Variants in GRM5 observed in about 807,000 individuals in gnomAD.
GRM5 encodes glutamate metabotropic receptor 5.
Under a neutral mutation model 83.1 loss-of-function variants are expected in GRM5, and 19 were observed. The ratio of observed to expected loss-of-function variants is 0.23; its 90% CI spans 0.16 to 0.34. The LOEUF (loss-of-function observed/expected upper bound fraction) is 0.34, where lower values mean the gene tolerates loss of function less well. Among genes scored for constraint, GRM5 ranks in the 10% least tolerant of loss-of-function variants. GRM5 has a pLI of 1.00. For missense variants in GRM5, 1,160 were observed against 1,588.3 expected (o/e 0.73, Z 4.58); for synonymous variants, 675 against 633.6 (o/e 1.07, Z -0.98).
chr11:88,928,907 TACACACACACACACACACACACAC>T (rs1555043262), intron 2 of GRM5, among the ~76,000 whole-genome samples: 2 of 138,674 alleles, frequency 1.4e-5, no homozygotes, highest in African/African-American at 5.6e-5. Context: ...TATGTGTATA[TACACACACACACACACACACACAC>T]ACACACACAC....
At chr11:88,912,033 A>T (rs1260984858) in intron 2 of GRM5, 1 of 469,884 alleles carries the variant, frequency 2.1e-6, no homozygotes. Context: ...AGAAGTCACA[A>T]ATAAGTATTG....
chr11:88,719,282 C>T (rs776927356), intron 3 of GRM5, among the ~76,000 whole-genome samples: 1 of 151,888 alleles, frequency 6.6e-6, no homozygotes, highest in African/African-American at 2.4e-5. Context: ...GTATTCTCAT[C>T]GTTTAGCTCC....
At chr11:88,582,786 T>C (rs547034449) in intron 7 of GRM5, among the ~76,000 whole-genome samples, 2 of 152,228 alleles carry the variant, frequency 1.3e-5, no homozygotes, top group African/African-American at 4.8e-5. Context: ...CAGAGCAGCC[T>C]GGAGATAATT....
At chr11:88,531,874 T>C (rs2135118260) in intron 8 of GRM5, among the ~76,000 whole-genome samples, 1 of 152,206 alleles carries the variant, frequency 6.6e-6, no homozygotes, top group Non-Finnish European at 1.5e-5. Context: ...TGGCCCGTAG[T>C]CTTCCCCTTG....
chr11:88,925,256 C>A (rs754788826), intron 2 of GRM5, among the ~76,000 whole-genome samples: 1 of 151,934 alleles, frequency 6.6e-6, no homozygotes, highest in Non-Finnish European at 1.5e-5. Flanking sequence ...ATTTTAGTGC[C>A]CAAGAAAAGA....
chr11:88,718,661 C>A (rs947268209), intron 3 of GRM5, among the ~76,000 whole-genome samples: 4 of 151,910 alleles, frequency 2.6e-5, no homozygotes, highest in Non-Finnish European at 4.4e-5. Flanking sequence ...TCCCTGAATT[C>A]CTCATAGGCT....
chr11:88,668,595 A>C, intron 3 of GRM5, among the ~76,000 whole-genome samples: 1 of 152,290 alleles, frequency 6.6e-6, no homozygotes, highest in South Asian at 2.1e-4. Context: ...AGAAATGCCA[A>C]TACTCATTCA....
At chr11:88,927,980 C>T (rs1040701949) in intron 2 of GRM5, among the ~76,000 whole-genome samples, 6 of 151,976 alleles carry the variant, frequency 3.9e-5, no homozygotes, top group Admixed American at 3.9e-4. Flanking sequence ...GCCCGGTAGC[C>T]CACCCTGTCC....
At chr11:88,718,928 G>A (rs1273871224) in intron 3 of GRM5, among the ~76,000 whole-genome samples, 1 of 151,868 alleles carries the variant, frequency 6.6e-6, no homozygotes, top group Non-Finnish European at 1.5e-5. Context: ...TGTTTGTTTT[G>A]TCTTCTCCTT....
At chr11:88,996,215 A>G (rs1241379752) in intron 2 of GRM5, among the ~76,000 whole-genome samples, 1 of 152,220 alleles carries the variant, frequency 6.6e-6, no homozygotes. Context: ...CAATTTGATT[A>G]CAGCTGTGTC....
At chr11:88,963,149 C>T (rs1000730543) in intron 2 of GRM5, among the ~76,000 whole-genome samples, 3 of 152,024 alleles carry the variant, frequency 2.0e-5, no homozygotes, top group Non-Finnish European at 2.9e-5. Flanking sequence ...TATACAAATG[C>T]AGGCTTAAAA....
chr11:88,641,288 A>G lies in GRM5; in HGVS notation c.1147+11880T>C, dbSNP rs74677003. On this transcript the variant is annotated intron_variant, in intron 4 of 9. Coordinates refer to ENST00000305447, the MANE Select transcript of GRM5 (RefSeq NM_001143831.3). ...GGGATGCTGCTAAACCATTCATTAG[A>G]AAACTTCCACCATGATCCGATCACC... Among the ~76,000 whole-genome samples, 620 of 152,150 alleles carry G rather than the reference A, an allele frequency of 4.1e-3. 5 individuals are homozygous for G. The highest frequency in any genetic ancestry group is 0.014 in the African/African-American group (597 of 41,500).
Position 89,017,167 on chromosome 11 carries a change from A to C in GRM5, c.661+30045T>G, listed in dbSNP as rs182805640. On this transcript the variant is annotated intron_variant, in intron 2 of 9. Transcript: ENST00000305447. ...ACGTTTGACTCCACTAAAAATATGAAATTCATCAGTGCATCCTTGTTCTGG... is the reference window on the plus strand; with the variant it reads ...ACGTTTGACTCCACTAAAAATATGACATTCATCAGTGCATCCTTGTTCTGG... Among the ~76,000 whole-genome samples the C allele has an allele frequency of 5.8e-4, 88 of 152,252 alleles. 1 individual carries two copies. Among genetic ancestry groups the C allele is most frequent in the African/African-American group, 2.1e-3 (86 of 41,564 alleles).
intron 3 of GRM5, among the ~76,000 whole-genome samples, chr11:88,675,452 A>G (rs900632015): frequency 3.3e-5 from 5 of 151,996 alleles, no homozygotes; most frequent in Non-Finnish European, 7.4e-5. Flanking sequence ...GCTGAGGTTT[A>G]GGCTCAAGGA....
intron 3 of GRM5, among the ~76,000 whole-genome samples, chr11:88,774,196 T>G (rs1942799449): frequency 6.6e-6 from 1 of 152,184 alleles, no homozygotes; most frequent in African/African-American, 2.4e-5. Flanking sequence ...TCCTAGGCAT[T>G]TTATTCCCTT....
chr11:88,933,667 T>TGCAAGAGTCA (rs1937794017), intron 2 of GRM5, among the ~76,000 whole-genome samples: 2 of 151,864 alleles, frequency 1.3e-5, no homozygotes, highest in Non-Finnish European at 2.9e-5. Context: ...AGTCAACTTT[T>TGCAAGAGTCA]ACTATCTTAA....
chr11:88,630,017 G>T (rs1938918652), intron 4 of GRM5, among the ~76,000 whole-genome samples: 1 of 152,052 alleles, frequency 6.6e-6, no homozygotes, highest in South Asian at 2.1e-4. Context: ...ACCTATGACA[G>T]TTCCCACACC....
chr11:89,029,565 C>T (rs566234098), intron 2 of GRM5, among the ~76,000 whole-genome samples: 1 of 152,280 alleles, frequency 6.6e-6, no homozygotes, highest in East Asian at 1.9e-4. Flanking sequence ...GCACTCTGAA[C>T]ATTAACATTA....
chr11:88,582,275 C>T (rs1943227046), intron 7 of GRM5, among the ~76,000 whole-genome samples: 1 of 152,134 alleles, frequency 6.6e-6, no homozygotes, highest in South Asian at 2.1e-4. Flanking sequence ...CAAATATGTG[C>T]TAATGAATAA....
Sources: gnomAD v4.1 joint callset for allele counts (sites outside exome capture counted in the v4.1 genomes callset) on GRCh38, gnomAD v4.1.1 for gene constraint, MANE v1.5 for transcripts, NCBI Gene and HGNC (gene_info 2026-07-23, HGNC 2026-07-21) for gene names.